Variants in SORCS1 observed in about 807,000 individuals in gnomAD.
SORCS1 encodes sortilin related VPS10 domain containing receptor 1.
Under a neutral mutation model 146.1 loss-of-function variants are expected in SORCS1, and 60 were observed. That is an observed-to-expected ratio of 0.41 (90% CI 0.33 to 0.51). SORCS1 has a LOEUF of 0.51. SORCS1 is among the 20% of genes least tolerant of loss of function. SORCS1 has a pLI of 0.21. For synonymous variants in SORCS1, 637 were observed against 584.0 expected, an observed-to-expected ratio of 1.09 and a Z score of -1.31; for missense variants, 1,352 against 1,487.6, an observed-to-expected ratio of 0.91 and a Z score of 1.50.
At position 107,087,518 on chromosome 10, in the gene SORCS1, T is replaced by C. The variant is rs138112237; in HGVS notation, c.558+76451A>G. 1.7e-3 allele frequency among the ~76,000 whole-genome samples: 257 copies of C among 152,332 alleles called. 2 individuals carry two copies. Among genetic ancestry groups the C allele is most frequent in the African/African-American group, 5.3e-3 (222 of 41,562 alleles). ...TAACCTAACGGAATAGTCACTAACT[T>C]CTCTCTAAATAATACCATATCTTGA... On this transcript the variant is annotated intron_variant, in intron 1 of 25. Coordinates refer to ENST00000263054, the MANE Select transcript of SORCS1 (RefSeq NM_052918.5).
At chr10:106,677,543 T>C (rs1191708231) in intron 12 of SORCS1, 139 bp from the exon 13 acceptor site, 3 of 687,438 alleles carry the variant, frequency 4.4e-6, no homozygotes, top group African/African-American at 1.8e-5. Flanking sequence ...AAAATAAAGC[T>C]ATAGAACAGT....
Position 107,164,049 on chromosome 10 carries a change from G to A in SORCS1, c.478C>T (p.Leu160=). 6.2e-7 allele frequency: 1 copy of A among 1,614,100 alleles called. No homozygotes were observed. Among genetic ancestry groups the A allele is most frequent in the African/African-American group, 1.3e-5 (1 of 75,026 alleles). ...GTCAGCGCAAACGTGGTGCTGGTCA[G>A]TCTCAGCTCCTCCATCCGGAAGCGG... ...ATRFRMEELR[L]TSTTFALTGD... Residue 160 remains leucine, a synonymous_variant, in exon 1 of 26, where the codon CTG becomes TTG. Transcript: ENST00000263054. This position sits in a 1 kb window ranked among gnomAD's most constrained non-coding sequence, Gnocchi z 6.8.
intron 1 of SORCS1, among the ~76,000 whole-genome samples, chr10:106,976,331 T>TG (rs1185538040): frequency 1.8e-5 from 2 of 108,688 alleles, no homozygotes; most frequent in East Asian, 5.1e-4. Flanking sequence ...CTAGGTTTTT[T>TG]TGTTTTTTTT....
At chr10:106,837,310 C>T (rs572853631) in intron 2 of SORCS1, among the ~76,000 whole-genome samples, 8 of 152,164 alleles carry the variant, frequency 5.3e-5, no homozygotes, top group African/African-American at 1.7e-4. Context: ...CTCCTTGATT[C>T]CAGGAAAGTC....
intron 3 of SORCS1, among the ~76,000 whole-genome samples, chr10:106,785,828 G>A (rs544814690): frequency 6.6e-6 from 1 of 152,258 alleles, no homozygotes; most frequent in African/African-American, 2.4e-5. Flanking sequence ...GGGTCATCCA[G>A]GAGGAAGCCT....
At chr10:106,976,889 A>G (rs1026099183) in intron 1 of SORCS1, among the ~76,000 whole-genome samples, 1 of 152,270 alleles carries the variant, frequency 6.6e-6, no homozygotes, top group Non-Finnish European at 1.5e-5. Flanking sequence ...TTATGGCTGC[A>G]TAGTATTCCA....
chr10:106,911,957 C>CA (rs1228489338), intron 2 of SORCS1, among the ~76,000 whole-genome samples: 28 of 151,876 alleles, frequency 1.8e-4, no homozygotes, highest in African/African-American at 2.2e-4. Flanking sequence ...CTAAAAAATA[C>CA]AAAAAATTAG....
At chr10:106,814,459 T>C (rs1047244410) in intron 3 of SORCS1, among the ~76,000 whole-genome samples, 8 of 152,192 alleles carry the variant, frequency 5.3e-5, no homozygotes, top group Middle Eastern at 3.2e-3. Context: ...AGATCGGGGT[T>C]CTAGTTAAAG....
At chr10:106,844,309 T>C (rs1324493121) in intron 2 of SORCS1, among the ~76,000 whole-genome samples, 1 of 152,182 alleles carries the variant, frequency 6.6e-6, no homozygotes, top group African/African-American at 2.4e-5. Context: ...GCAGAAACTT[T>C]TTTGATTAAT....
chr10:106,577,964 C>A (rs74152216), intron 25 of SORCS1: 2,393 of 159,716 alleles, frequency 0.015, 67 homozygotes, highest in African/African-American at 0.054. Context: ...CTTAACACAG[C>A]CACAGACCTT....
intron 9 of SORCS1, among the ~76,000 whole-genome samples, chr10:106,688,814 G>C (rs2135642942): frequency 6.6e-6 from 1 of 152,260 alleles, no homozygotes; most frequent in East Asian, 1.9e-4. Context: ...CTTGCCTAAG[G>C]TCACACTGCC....
At chr10:106,839,216 G>A (rs1948917159) in intron 2 of SORCS1, among the ~76,000 whole-genome samples, 1 of 152,122 alleles carries the variant, frequency 6.6e-6, no homozygotes. Context: ...GCAAAAGCTG[G>A]GCCTCTTGTG....
chr10:106,615,369 C>A (rs755427159), intron 21 of SORCS1, among the ~76,000 whole-genome samples: 56 of 152,198 alleles, frequency 3.7e-4, no homozygotes, highest in Admixed American at 7.9e-4. Flanking sequence ...TGGAAACCCA[C>A]GTGCTTCCTA....
chr10:107,098,593 T>C (rs1964694290), intron 1 of SORCS1, among the ~76,000 whole-genome samples: 1 of 152,232 alleles, frequency 6.6e-6, no homozygotes, highest in South Asian at 2.1e-4. Context: ...CAACACCTCG[T>C]TGTTAAAGAT....
At chr10:106,671,665 A>G (rs1248859090) in intron 15 of SORCS1, among the ~76,000 whole-genome samples, 2 of 152,232 alleles carry the variant, frequency 1.3e-5, no homozygotes, top group Non-Finnish European at 2.9e-5. Context: ...ACACAGACTC[A>G]GCCTGTACCT....
intron 8 of SORCS1, among the ~76,000 whole-genome samples, chr10:106,702,036 T>G (rs1394951384): frequency 6.6e-6 from 1 of 152,208 alleles, no homozygotes; most frequent in Non-Finnish European, 1.5e-5. Context: ...GATAAGAAAG[T>G]GGTTCACCCA....
At chr10:107,069,557 G>A (rs1433725232) in intron 1 of SORCS1, among the ~76,000 whole-genome samples, 1 of 151,844 alleles carries the variant, frequency 6.6e-6, no homozygotes, top group Non-Finnish European at 1.5e-5. Context: ...TGTATTTTTG[G>A]TAGAGATGGG....
At chr10:106,670,391 G>C (rs1316283) in intron 16 of SORCS1, among the ~76,000 whole-genome samples, 125,547 of 152,174 alleles carry the variant, frequency 0.83, 52,545 homozygotes, top group Non-Finnish European at 0.9. Flanking sequence ...CTTAATCCTG[G>C]TAAAGCAAAA....
At chr10:106,948,516 A>T (rs1039405700) in intron 2 of SORCS1, among the ~76,000 whole-genome samples, 2 of 152,054 alleles carry the variant, frequency 1.3e-5, no homozygotes, top group African/African-American at 4.8e-5. Context: ...CTACAAAAAA[A>T]TTTAAAAATT....
Sources: gnomAD v4.1 joint callset for allele counts (sites outside exome capture counted in the v4.1 genomes callset) on GRCh38, gnomAD v4.1.1 for gene constraint, Gnocchi (gnomAD v3.1) non-coding constraint, MANE v1.5 for transcripts, NCBI Gene and HGNC (gene_info 2026-07-23, HGNC 2026-07-21) for gene names.